Variants in PRKAA1 observed in about 807,000 individuals in gnomAD.
The protein encoded by PRKAA1 is protein kinase AMP-activated catalytic subunit alpha 1.
Under a neutral mutation model 56.9 loss-of-function variants are expected in PRKAA1, and 23 were observed. The observed-to-expected ratio is 0.40, with a 90% CI of 0.29 to 0.57. PRKAA1 has a LOEUF of 0.57. Ranked by LOEUF, PRKAA1 falls within the 20% of genes least tolerant of loss-of-function variation. PRKAA1 has a pLI of 0.39. For synonymous variants in PRKAA1, 226 were observed against 227.0 expected (o/e 1.00, Z 0.04); for missense variants, 413 against 679.7 (o/e 0.61, Z 4.36).
chr5:40,763,096 G>A, intron 8 of PRKAA1, 74 bp from the exon 9 acceptor site: 1 of 1,506,878 alleles, frequency 6.6e-7, no homozygotes, highest in East Asian at 2.3e-5. Context: ...TATTGAATTT[G>A]CTTCTTTAAG....
intron 4 of PRKAA1, among the ~76,000 whole-genome samples, chr5:40,771,000 T>C (rs1357235597): frequency 6.6e-6 from 1 of 152,066 alleles, no homozygotes; most frequent in East Asian, 1.9e-4. Context: ...AAAAAATTGT[T>C]TTAAATAATT....
In PRKAA1 at chr5:40,762,696, A is replaced by T; in HGVS notation, c.*82T>A. The stretch of plus-strand genomic sequence containing the variant: ...CCAGCCCTCGGTTATAATTATGTAT[A>T]ACTTGATTACAAATGGAAGCATTTG... On this transcript the variant is annotated 3_prime_UTR_variant, in exon 9 of 9. Transcript: ENST00000397128. The T allele has an allele frequency of 6.5e-7, 1 of 1,541,368 alleles. No individual in the cohort carries two copies. The highest frequency in any genetic ancestry group is 8.8e-7 in the Non-Finnish European group (1 of 1,132,446).
chr5:40,764,897 G>C lies in PRKAA1; in HGVS notation c.1163C>G (p.Thr388Ser), dbSNP rs1187435229. 1.2e-6 allele frequency: 2 copies of C among 1,614,114 alleles called. No individual in the cohort carries two copies. Among genetic ancestry groups the C allele is most frequent in the Non-Finnish European group, 1.7e-6 (2 of 1,180,024 alleles). ...TTTCTGTGGATTTAATTCATCAAGGGTATGGCGTGCCCTTGGTGTTTCAGC... is the reference window on the plus strand; with the variant it reads ...TTTCTGTGGATTTAATTCATCAAGGCTATGGCGTGCCCTTGGTGTTTCAGC... ...LVAETPRARHTLDELNPQKSK... is the reference protein window; with the variant it reads ...LVAETPRARHSLDELNPQKSK... Residue 388 changes from threonine to serine, a missense_variant, in exon 7 of 9, where the codon ACC (threonine) becomes AGC (serine). By Grantham distance (58) the Thr-to-Ser change is moderately conservative. This residue lies in a region of PRKAA1 where 50 missense variants were observed against 87.7 expected (regional missense o/e 0.57). Coordinates refer to ENST00000397128, the MANE Select transcript of PRKAA1 (RefSeq NM_006251.6).
intron 3 of PRKAA1, among the ~76,000 whole-genome samples, chr5:40,774,465 AG>A (rs1186904295): frequency 2.6e-5 from 4 of 152,090 alleles, no homozygotes; most frequent in African/African-American, 9.7e-5. Context: ...AATACCCACA[AG>A]GTAAAACCAA....
chr5:40,787,746 C>G lies in PRKAA1; in HGVS notation c.128-10160G>C, dbSNP rs376406894. Among the ~76,000 whole-genome samples, 313 of 151,066 alleles carry G rather than the reference C, an allele frequency of 2.1e-3. 4 individuals carry two copies. The East Asian group carries it at 0.033, about 16-fold the overall frequency. On this transcript the variant is annotated intron_variant, in intron 1 of 8. Transcript: ENST00000397128. ...AAAGTGGACCACTACAGAAAGCAAT[C>G]GAGCCACAAAGGGGGAAAGTAATAG...
intron 1 of PRKAA1, among the ~76,000 whole-genome samples, chr5:40,786,407 T>C (rs535020466): frequency 2.8e-4 from 42 of 152,212 alleles, no homozygotes; most frequent in African/African-American, 9.4e-4. Context: ...CTGTAAGTCA[T>C]TGAGTCTGTG....
At chr5:40,768,111 G>A (rs146912898) in intron 5 of PRKAA1, among the ~76,000 whole-genome samples, 234 of 152,324 alleles carry the variant, frequency 1.5e-3, no homozygotes, top group African/African-American at 5.5e-3. Flanking sequence ...AAAGGATCCT[G>A]AGGCTGTGAA....
At chr5:40,797,867 C>G (rs1194794877) in intron 1 of PRKAA1, among the ~76,000 whole-genome samples, 196 bp downstream of exon 1, 1 of 152,104 alleles carries the variant, frequency 6.6e-6, no homozygotes, top group Non-Finnish European at 1.5e-5. Flanking sequence ...CTACCCCACC[C>G]CCACCCCCAC....
At chr5:40,790,781 G>A (rs112959015) in intron 1 of PRKAA1, among the ~76,000 whole-genome samples, 2,521 of 152,130 alleles carry the variant, frequency 0.017, 42 homozygotes, top group Non-Finnish European at 0.028. Context: ...CTCGTGATCT[G>A]CCCGCCTTAG....
Position 40,798,353 on chromosome 5 carries a change from G to A in PRKAA1, c.-164C>T. The A allele has an allele frequency of 2.9e-6, 1 of 340,702 alleles. No individual in the cohort carries two copies. The highest frequency in any genetic ancestry group is 5.1e-6 in the Non-Finnish European group (1 of 195,812). 21.1% of individuals were successfully genotyped at this position (340,702 alleles called of 1,614,324 possible). A position where few individuals can be genotyped will look rare whatever the true frequency, so the allele number is the denominator to read the frequency against. On this transcript the variant is annotated 5_prime_UTR_variant, in exon 1 of 9. Coordinates refer to ENST00000397128, the MANE Select transcript of PRKAA1 (RefSeq NM_006251.6). ...GCGCAGACGCTCCCCCTGGCGGGGC[G>A]GGCGGGGGCTGCCAGGAGAATCACC...
chr5:40,776,775 C>T (rs1438176039), intron 2 of PRKAA1, among the ~76,000 whole-genome samples: 1 of 152,316 alleles, frequency 6.6e-6, no homozygotes, highest in Admixed American at 6.5e-5. Context: ...ACCCTTTCTA[C>T]TACCGCATTC....
chr5:40,785,857 G>C (rs1744455291), intron 1 of PRKAA1, among the ~76,000 whole-genome samples: 1 of 149,974 alleles, frequency 6.7e-6, no homozygotes, highest in Admixed American at 6.7e-5. Context: ...GAGAGAGAGA[G>C]AGAGAGAGAG....
intron 2 of PRKAA1, among the ~76,000 whole-genome samples, chr5:40,776,594 C>T (rs951120804): frequency 6.6e-6 from 1 of 152,198 alleles, no homozygotes; most frequent in Non-Finnish European, 1.5e-5. Flanking sequence ...AAAACCTAAG[C>T]ATCTTTAAGT....
intron 1 of PRKAA1, 37 bp from the exon 2 acceptor site, chr5:40,777,623 A>G: frequency 6.5e-7 from 1 of 1,534,940 alleles, no homozygotes; most frequent in South Asian, 1.2e-5. Context: ...AGTACTAAGT[A>G]TGATTAATAA....
intron 6 of PRKAA1, among the ~76,000 whole-genome samples, chr5:40,766,840 A>C (rs1370922218): frequency 6.6e-6 from 1 of 151,834 alleles, no homozygotes; most frequent in Non-Finnish European, 1.5e-5. Context: ...CTACAAACAA[A>C]AACAAAAAGC....
At chr5:40,771,895 G>A (rs1400519000) in intron 3 of PRKAA1, 32 bp from the exon 4 acceptor site, 1 of 1,595,624 alleles carries the variant, frequency 6.3e-7, no homozygotes, top group East Asian at 2.2e-5. Context: ...TTTTAAAGGT[G>A]TGTCTTTCAA....
intron 3 of PRKAA1, among the ~76,000 whole-genome samples, chr5:40,774,093 C>A (rs966545526): frequency 6.6e-6 from 1 of 152,190 alleles, no homozygotes; most frequent in African/African-American, 2.4e-5. Flanking sequence ...ATAAAACAGA[C>A]AAGTCCCTAC....
At chr5:40,767,976 A>G (rs972497091) in intron 5 of PRKAA1, among the ~76,000 whole-genome samples, 5 of 151,990 alleles carry the variant, frequency 3.3e-5, no homozygotes, top group Non-Finnish European at 2.9e-5. Flanking sequence ...TCACTATTCA[A>G]TTTAAAACCA....
intron 1 of PRKAA1, among the ~76,000 whole-genome samples, chr5:40,797,663 C>G (rs1222179961): frequency 6.6e-6 from 1 of 152,248 alleles, no homozygotes; most frequent in African/African-American, 2.4e-5. Flanking sequence ...TGGGCTGGCC[C>G]TGAGCCAAGG....
Sources: allele counts gnomAD v4.1 joint callset (sites outside exome capture counted in the v4.1 genomes callset), GRCh38; gene constraint gnomAD v4.1.1; regional missense constraint gnomAD v4.1.1; transcripts MANE v1.5; gene names NCBI Gene and HGNC (gene_info 2026-07-23, HGNC 2026-07-21).